The following KRT76 variants were observed in gnomAD, a reference collection of about 807,000 sequenced individuals.
KRT76 encodes the protein keratin, type II cytoskeletal 2 oral.
Under a neutral mutation model 44.9 loss-of-function variants are expected in KRT76, and 47 were observed. That is an observed-to-expected ratio of 1.05 (90% CI 0.83 to 1.33). KRT76 has a LOEUF of 1.33. KRT76 is among the 40% of genes most tolerant of loss of function. The probability of loss-of-function intolerance (pLI) is 0.00; values close to 1 mark genes in which losing one functional copy is unlikely to be tolerated. For synonymous variants in KRT76, 331 were observed against 294.1 expected (o/e 1.13, Z -1.28); for missense variants, 860 against 775.8 (o/e 1.11, Z -1.29).
At chr12:52,772,427 A>G (rs1303895644) in intron 4 of KRT76, among the ~76,000 whole-genome samples, 169 bp from the exon 5 acceptor site, 2 of 152,270 alleles carry the variant, frequency 1.3e-5, no homozygotes, top group Non-Finnish European at 2.9e-5. Flanking sequence ...CAACAAGGCT[A>G]AAGGAAATAT....
chr12:52,775,402 T>C lies in KRT76; in HGVS notation c.801A>G (p.Glu267=). 1.2e-6 allele frequency: 2 copies of C among 1,614,210 alleles called. No individual in the cohort carries two copies. Residue 267 remains glutamate, a synonymous_variant, in exon 2 of 9, where the codon GAA becomes GAG. Coordinates refer to ENST00000332411, the MANE Select transcript of KRT76 (RefSeq NM_015848.4). ...GGAGCCCTCACTTCTTTTTGAAGTCTTCCACCAGGTCCTGCATGCTTTTCA... is the reference window on the plus strand; with the variant it reads ...GGAGCCCTCACTTCTTTTTGAAGTCCTCCACCAGGTCCTGCATGCTTTTCA... ...GELKSMQDLV[E]DFKKKYEDEI...
At position 52,772,129 on chromosome 12, in the gene KRT76, T is replaced by C. The variant is rs1939193170; in HGVS notation, c.1102A>G (p.Ser368Gly). ...TACAGGGCCTCAGCTTCAGACTTGC[T>C]CCTCTGGGCAATCTCCTCATACTGG... Reference protein sequence around the residue: ...RAQYEEIAQRSKSEAEALYQT... With the variant: ...RAQYEEIAQRGKSEAEALYQT... Residue 368 changes from serine (S) to glycine (G), a missense_variant, in exon 5 of 9, where the codon AGC (serine) becomes GGC (glycine). Ser to Gly is a moderately conservative substitution (Grantham distance 56). Coordinates refer to ENST00000332411, the MANE Select transcript of KRT76 (RefSeq NM_015848.4). The C allele has an allele frequency of 6.2e-7, 1 of 1,612,822 alleles. No homozygotes were observed. Among genetic ancestry groups the C allele is most frequent in the Admixed American group, 1.7e-5 (1 of 59,968 alleles).
chr12:52,770,701 T>C (rs60087839), intron 7 of KRT76, among the ~76,000 whole-genome samples: 5,526 of 152,260 alleles, frequency 0.036, 322 homozygotes, highest in African/African-American at 0.13. Flanking sequence ...CTCAAAAAGT[T>C]CCAGTGGACA....
In KRT76 at chr12:52,768,871, C is replaced by T. The variant is rs150255824; in HGVS notation, c.1759G>A (p.Gly587Ser). ...QSSSSGSRLG[G>S]AGSISVSHSG... ...TGGCTCACGGAGATGCTACCTGCACCGCCGAGCCTGCTCCCACTACTGCTG... is the reference window on the plus strand; with the variant it reads ...TGGCTCACGGAGATGCTACCTGCACTGCCGAGCCTGCTCCCACTACTGCTG... Residue 587 changes from glycine (G) to serine (S), a missense_variant, in exon 9 of 9, where the codon GGT becomes AGT. Coordinates refer to ENST00000332411, the MANE Select transcript of KRT76 (RefSeq NM_015848.4). The T allele has an allele frequency of 2.8e-3, 4,537 of 1,613,668 alleles. 8 individuals are homozygous for T. Among genetic ancestry groups the T allele is most frequent in the Non-Finnish European group, 3.3e-3 (3,877 of 1,179,816 alleles).
rs965604240 is a variant in KRT76, at chr12:52,772,639, G to C, written c.972+144C>G. The stretch of plus-strand genomic sequence containing the variant: ...GGTCTATGCAGACTGAAGAAGCTCA[G>C]TTAACATTTCCCAGGTGGGGTGGAG... On this transcript the variant is annotated intron_variant, in intron 4 of 8. Coordinates refer to ENST00000332411, the MANE Select transcript of KRT76 (RefSeq NM_015848.4). 9 of 698,848 alleles carry C rather than the reference G, an allele frequency of 1.3e-5. No individual in the cohort carries two copies. The East Asian group carries it at 2.2e-4, about 17-fold the overall frequency. The allele number at this position is 698,848 out of a possible 1,614,324, so 43.3% of individuals were successfully genotyped here.
At position 52,769,080 on chromosome 12, in the gene KRT76, C is replaced by T; in HGVS notation, c.1550G>A (p.Gly517Asp). The T allele has an allele frequency of 1.4e-6, 1 of 717,546 alleles. No individual in the cohort carries two copies. The highest frequency in any genetic ancestry group is 2.6e-6 in the Non-Finnish European group (1 of 384,766). 44.4% of individuals were successfully genotyped at this position (717,546 alleles called of 1,614,324 possible). Reference protein sequence around the residue: ...SVVSNVTSTSGSSGSSRGVFG... With the variant: ...SVVSNVTSTSDSSGSSRGVFG... ...AACTCCACGGCTACTGCCAGAGCTG[C>T]CACTTGTGCTGGTGACATTGCTGAC... Residue 517 changes from glycine to aspartate, a missense_variant, in exon 9 of 9, where the codon GGC becomes GAC. Gly to Asp is a moderately conservative substitution (Grantham distance 94). Transcript: ENST00000332411.
chr12:52,774,861 G>T (rs1939235743), intron 2 of KRT76, among the ~76,000 whole-genome samples: 1 of 152,190 alleles, frequency 6.6e-6, no homozygotes, highest in South Asian at 2.1e-4. Context: ...GATATGGACT[G>T]CAACTTGGAA....
In KRT76 at chr12:52,775,618, GAGAA is replaced by G. The variant is rs754643966; in HGVS notation, c.601-20_601-17del. 21 of 1,608,636 alleles carry G rather than the reference GAGAA, an allele frequency of 1.3e-5. 1 individual carries two copies. The South Asian group carries it at 1.8e-4, about 13-fold the overall frequency. On this transcript the variant is annotated splice_polypyrimidine_tract_variant and intron_variant, in intron 1 of 8. Transcript: ENST00000332411. ...GGAACCGCACCTGCATGAAAGAGGG[GAGAA>G]AAGGAGTCAGCCCCTTGAGTTGGGC...
chr12:52,774,490 T>C (rs1287921413), intron 2 of KRT76, among the ~76,000 whole-genome samples: 2 of 152,246 alleles, frequency 1.3e-5, no homozygotes, highest in Non-Finnish European at 2.9e-5. Flanking sequence ...GCATCAAAGT[T>C]GTGGGATTCC....
chr12:52,772,882 C>T lies in KRT76; in HGVS notation c.877-4G>A. 6.2e-7 allele frequency: 1 copy of T among 1,610,208 alleles called. No individual in the cohort carries two copies. Among genetic ancestry groups the T allele is most frequent in the Non-Finnish European group, 8.5e-7 (1 of 1,176,420 alleles). ...TCATGAAAGCCGCATCCACATCCTG[C>T]AGAGGAGGTCAGAAACCCAGAGAAT... On this transcript the variant is annotated splice_polypyrimidine_tract_variant and splice_region_variant and intron_variant, in intron 3 of 8. Coordinates refer to ENST00000332411, the MANE Select transcript of KRT76 (RefSeq NM_015848.4).
Position 52,774,144 on chromosome 12 carries a change from G to A in KRT76, c.816-502C>T, listed in dbSNP as rs1433796724. ...AAATTCTTAATAATTTTGTAACTAG[G>A]TTCCTGCATTATCATTTTGCACTGA... On this transcript the variant is annotated intron_variant, in intron 2 of 8. Transcript: ENST00000332411. Among the ~76,000 whole-genome samples the A allele has an allele frequency of 2.0e-5, 3 of 152,104 alleles. No individual in the cohort carries two copies. In the East Asian group the frequency reaches 5.8e-4, roughly 29 times the overall value.
At position 52,777,181 on chromosome 12, in the gene KRT76, C is replaced by G. The variant is rs576741226; in HGVS notation, c.111G>C (p.Gly37=). 68 of 1,614,226 alleles carry G rather than the reference C, an allele frequency of 4.2e-5. No homozygotes were observed. The East Asian group carries it at 1.4e-3, about 34-fold the overall frequency. ...AGCCACAGGCCCCTCCACCAGCTCC[C>G]CCAGAGCGGGCCACACAGCTCATCC... The part of the protein sequence containing the change: ...SSRMSCVARS[G]GAGGGACGFR... The change falls in exon 1 of 9, where the codon GGG becomes GGC. Residue 37 remains glycine, a synonymous_variant. Transcript: ENST00000332411.
chr12:52,772,243 G>T lies in KRT76; in HGVS notation c.988C>A (p.Gln330Lys). Residue 330 changes from glutamine to lysine, a missense_variant, in exon 5 of 9, where the codon CAA (glutamine) becomes AAA (lysine). Physicochemically the swap from Gln to Lys is moderately conservative, Grantham distance 53 (BLOSUM62 1). Transcript: ENST00000332411. Reference protein sequence around the residue: ...TLYEMELSQMQSHASDTSVVL... With the variant: ...TLYEMELSQMKSHASDTSVVL... The stretch of plus-strand genomic sequence containing the variant: ...ACAGACGTGTCACTGGCATGGCTTT[G>T]CATCTGGGACAGCTCCTGCAGGAAA... 1.2e-6 allele frequency: 2 copies of T among 1,603,326 alleles called. No individual in the cohort carries two copies. Among genetic ancestry groups the T allele is most frequent in the South Asian group, 1.1e-5 (1 of 88,456 alleles).
intron 2 of KRT76, among the ~76,000 whole-genome samples, chr12:52,774,388 C>T (rs921101427): frequency 2.6e-5 from 4 of 152,170 alleles, no homozygotes; most frequent in African/African-American, 9.7e-5. Flanking sequence ...TCTCATTGGG[C>T]ATTTCTGCCT....
Position 52,772,697 on chromosome 12 carries a change from G to A in KRT76, c.972+86C>T. The A allele has an allele frequency of 3.2e-6, 3 of 937,414 alleles. No individual in the cohort carries two copies. The South Asian group carries it at 4.0e-5, about 13-fold the overall frequency. 58.1% of individuals were successfully genotyped at this position (937,414 alleles called of 1,614,324 possible). On this transcript the variant is annotated intron_variant, in intron 4 of 8. Transcript: ENST00000332411. ...CTGAGCCCCATTGCTGGTTTTGTGA[G>A]TGTTGTGCTGTTTGGCTGTCCCCTA...
chr12:52,768,659 C>T lies in KRT76; in HGVS notation c.*54G>A. On this transcript the variant is annotated 3_prime_UTR_variant, in exon 9 of 9. Coordinates refer to ENST00000332411, the MANE Select transcript of KRT76 (RefSeq NM_015848.4). ...TTGATGCCAAGCAGAGAGTGGGAAA[C>T]ACTATTGCAGGCTGAGTGGGAAGCA... The T allele has an allele frequency of 1.3e-6, 2 of 1,539,582 alleles. No homozygotes were observed. Among genetic ancestry groups the T allele is most frequent in the South Asian group, 1.2e-5 (1 of 80,150 alleles).
chr12:52,768,682 G>T lies in KRT76; in HGVS notation c.*31C>A. ...AACACTATTGCAGGCTGAGTGGGAA[G>T]CAGGTGGTTATAGAGATTTGGAACA... On this transcript the variant is annotated 3_prime_UTR_variant, in exon 9 of 9. Transcript: ENST00000332411. 1 of 1,562,394 alleles carries T rather than the reference G, an allele frequency of 6.4e-7. No individual in the cohort carries two copies. The highest frequency in any genetic ancestry group is 2.3e-5 in the East Asian group (1 of 43,952).
chr12:52,774,762 T>C (rs188544301), intron 2 of KRT76, among the ~76,000 whole-genome samples: 109 of 152,340 alleles, frequency 7.2e-4, no homozygotes, highest in Non-Finnish European at 1.3e-3. Flanking sequence ...AGAGCAGGTG[T>C]GCCCGTCCCT....
At position 52,772,219 on chromosome 12, in the gene KRT76, C is replaced by G. The variant is rs1939196459; in HGVS notation, c.1012G>C (p.Val338Leu). ...QMQSHASDTS[V>L]VLSMDNNRCL... ...CGGTTGTTGTCCATGGACAGAACCA[C>G]AGACGTGTCACTGGCATGGCTTTGC... Residue 338 changes from valine (V) to leucine (L), a missense_variant, in exon 5 of 9, where the codon GTG (valine) becomes CTG (leucine). By Grantham distance (32) the Val-to-Leu change is conservative. Coordinates refer to ENST00000332411, the MANE Select transcript of KRT76 (RefSeq NM_015848.4). The G allele has an allele frequency of 6.2e-7, 1 of 1,610,602 alleles. No homozygotes were observed. Among genetic ancestry groups the G allele is most frequent in the African/African-American group, 1.3e-5 (1 of 74,820 alleles).
Sources: gnomAD v4.1 joint callset for allele counts (sites outside exome capture counted in the v4.1 genomes callset) on GRCh38, gnomAD v4.1.1 for gene constraint, MANE v1.5 for transcripts, NCBI Gene and HGNC (gene_info 2026-07-23, HGNC 2026-07-21) for gene names.